The following MTMR7 variants were observed in gnomAD, a reference collection of about 807,000 sequenced individuals.
The protein encoded by MTMR7 is phosphatidylinositol-3-phosphate phosphatase MTMR7.
MTMR7 carries 76 observed loss-of-function variants against 81.2 expected under a neutral mutation model. The observed-to-expected ratio is 0.94, with a 90% CI of 0.78 to 1.13. MTMR7 has a LOEUF of 1.13. Ranked by LOEUF, MTMR7 falls within the 50% of genes most tolerant of loss-of-function variation. The probability of loss-of-function intolerance (pLI) is 0.00; values close to 1 mark genes in which losing one functional copy is unlikely to be tolerated. For missense variants in MTMR7, 1,044 were observed against 820.0 expected (o/e 1.27, Z -3.34); for synonymous variants, 372 against 289.8 (o/e 1.28, Z -2.88).
chr8:17,300,257 T>C (rs749102198), intron 13 of MTMR7, 33 bp from the exon 14 acceptor site: 12 of 1,574,166 alleles, frequency 7.6e-6, no homozygotes, highest in Admixed American at 1.9e-5. Flanking sequence ...AGGGGAAAAA[T>C]CATAAATAAC....
chr8:17,365,827 A>G (rs1422375909), intron 3 of MTMR7, among the ~76,000 whole-genome samples: 4 of 152,224 alleles, frequency 2.6e-5, no homozygotes, highest in African/African-American at 9.7e-5. Context: ...TCTACCCAGA[A>G]AGCAAAATGA....
chr8:17,331,002 T>C, intron 7 of MTMR7, 148 bp downstream of exon 7: 1 of 920,308 alleles, frequency 1.1e-6, no homozygotes, highest in African/African-American at 1.7e-5. Flanking sequence ...GAAACGTTCT[T>C]AAGTGTTTAA....
intron 1 of MTMR7, among the ~76,000 whole-genome samples, chr8:17,377,018 G>A (rs182962046): frequency 6.7e-6 from 1 of 149,114 alleles, no homozygotes; most frequent in Admixed American, 6.6e-5. Context: ...TTAATTCCTT[G>A]TATTTTTCCC....
intron 7 of MTMR7, among the ~76,000 whole-genome samples, chr8:17,323,753 C>A (rs1355712970): frequency 6.6e-6 from 1 of 152,180 alleles, no homozygotes; most frequent in Non-Finnish European, 1.5e-5. Flanking sequence ...AAATATCGAA[C>A]TGCCAAACCC....
In MTMR7 at chr8:17,300,204, C is replaced by T. The variant is rs778066206; in HGVS notation, c.1641G>A (p.Lys547=). 1 of 1,603,602 alleles carries T rather than the reference C, an allele frequency of 6.2e-7. No individual in the cohort carries two copies. The highest frequency in any genetic ancestry group is 8.5e-7 in the Non-Finnish European group (1 of 1,174,564). ...TCACCTTAGTGCAATTTAACTGGAC[C>T]TTTTGAATTTTTTCCAGCCTCTAAG... ...ALEERLEKIQ[K]VQLNCTKVKS... is the part of the protein sequence containing the mutation. Residue 547 remains lysine (K), a synonymous_variant, in exon 14 of 14, where the codon AAG becomes AAA. Transcript: ENST00000180173.
At position 17,413,331 on chromosome 8, in the gene MTMR7, C is replaced by T. The variant is rs1394818936; in HGVS notation, c.-39G>A. On this transcript the variant is annotated 5_prime_UTR_variant, in exon 1 of 14. Coordinates refer to ENST00000180173, the MANE Select transcript of MTMR7 (RefSeq NM_004686.5). ...CTGCAGGGTCCCGGGCGGGCGCGGC[C>T]TCACGCACCTGCGCGCCTCTGCGGC... is the stretch of plus-strand genomic sequence containing the variant. The T allele has an allele frequency of 6.6e-7, 1 of 1,516,500 alleles. No individual in the cohort carries two copies. Among genetic ancestry groups the T allele is most frequent in the Non-Finnish European group, 8.8e-7 (1 of 1,131,670 alleles). The allele number at this position is 1,516,500 out of a possible 1,614,324, so 93.9% of individuals were successfully genotyped here. A position where few individuals can be genotyped will look rare whatever the true frequency, so the allele number is the denominator to read the frequency against.
At chr8:17,309,463 C>T in intron 9 of MTMR7, 137 bp from the exon 10 acceptor site, 1 of 677,380 alleles carries the variant, frequency 1.5e-6, no homozygotes, top group Non-Finnish European at 2.7e-6. Flanking sequence ...CATGAACAGG[C>T]ATTATCCACC....
rs763801295 is a variant in MTMR7, at chr8:17,349,003, G to A, written c.547C>T (p.Arg183Trp). The A allele has an allele frequency of 5.6e-6, 9 of 1,613,172 alleles. No individual in the cohort carries two copies. The highest frequency in any genetic ancestry group is 4.5e-5 in the East Asian group (2 of 44,872). The change falls in exon 5 of 14, where the codon CGG (arginine) becomes TGG (tryptophan). Residue 183 changes from arginine to tryptophan, a missense_variant. By Grantham distance (101) the Arg-to-Trp change is moderately radical. Transcript: ENST00000180173. ...AGGACAGGAAATCGCCGTCTACTCC[G>A]GAATTTGGAACTCCCCACTATGATG... ...AHIIVGSSKF[R>W]SRRRFPVLSY...
chr8:17,368,421 CGA>C (rs989679169), intron 3 of MTMR7, among the ~76,000 whole-genome samples: 19 of 152,254 alleles, frequency 1.2e-4, no homozygotes, highest in African/African-American at 4.6e-4. Context: ...ACCAGAATAT[CGA>C]GAGAGCTACA....
chr8:17,370,553 CAAAAAAAAAAA>C (rs5889712), intron 3 of MTMR7, among the ~76,000 whole-genome samples: 1 of 30,856 alleles, frequency 3.2e-5, no homozygotes, highest in Non-Finnish European at 5.8e-5. Flanking sequence ...AAAAGTGCCT[CAAAAAAAAAAA>C]AAAAAAAAAA....
At chr8:17,410,331 C>A (rs1206602858) in intron 1 of MTMR7, among the ~76,000 whole-genome samples, 1 of 152,178 alleles carries the variant, frequency 6.6e-6, no homozygotes, top group Non-Finnish European at 1.5e-5. Flanking sequence ...TTACCAGGAT[C>A]CTGGACACAT....
At chr8:17,366,056 C>A (rs1279100272) in intron 3 of MTMR7, among the ~76,000 whole-genome samples, 1 of 152,174 alleles carries the variant, frequency 6.6e-6, no homozygotes, top group Non-Finnish European at 1.5e-5. Flanking sequence ...CTCTCCTCGG[C>A]TCCTTCACTC....
chr8:17,300,035 T>G lies in MTMR7; in HGVS notation c.1810A>C (p.Ile604Leu), dbSNP rs763910414. ...PSQGDEDSAL[I>L]LTQDNLKSSD... The stretch of plus-strand genomic sequence containing the variant: ...CTTTTCAGATTGTCTTGGGTTAGAA[T>G]CAGAGCAGAATCTTCATCGCCTTGT... The change falls in exon 14 of 14, where the codon ATT (isoleucine) becomes CTT (leucine). Residue 604 changes from isoleucine (I) to leucine (L), a missense_variant. Physicochemically the swap from Ile to Leu is conservative, Grantham distance 5. Coordinates refer to ENST00000180173, the MANE Select transcript of MTMR7 (RefSeq NM_004686.5). 13 of 1,614,132 alleles carry G rather than the reference T, an allele frequency of 8.1e-6. 1 individual carries two copies. The South Asian group carries it at 1.4e-4, about 18-fold the overall frequency.
rs115183602 is a variant in MTMR7 at position 17,301,305 on chromosome 8, G to A, written c.1620+849C>T. On this transcript the variant is annotated intron_variant, in intron 13 of 13. Transcript: ENST00000180173. ...GAAGAGGGATGAAGTGGTAAGGTTAGAAGGAAAAGAACAGAGTAAGTTTCA... is the reference window on the plus strand; with the variant it reads ...GAAGAGGGATGAAGTGGTAAGGTTAAAAGGAAAAGAACAGAGTAAGTTTCA... 3.9e-3 allele frequency among the ~76,000 whole-genome samples: 596 copies of A among 152,296 alleles called. 5 individuals are homozygous for A. Among genetic ancestry groups the A allele is most frequent in the African/African-American group, 0.013 (534 of 41,566 alleles).
At chr8:17,325,270 C>T (rs1211778044) in intron 7 of MTMR7, among the ~76,000 whole-genome samples, 1 of 152,158 alleles carries the variant, frequency 6.6e-6, no homozygotes, top group East Asian at 1.9e-4. Flanking sequence ...ATGTGACCGT[C>T]ATACCCACCA....
chr8:17,412,129 C>T (rs1052082877), intron 1 of MTMR7, among the ~76,000 whole-genome samples: 2 of 152,212 alleles, frequency 1.3e-5, no homozygotes, highest in Non-Finnish European at 2.9e-5. Context: ...AATTTACTGT[C>T]GGAACTGACA....
chr8:17,311,673 T>C (rs1436081317), intron 8 of MTMR7, 37 bp from the exon 9 acceptor site: 2 of 1,613,232 alleles, frequency 1.2e-6, no homozygotes, highest in East Asian at 2.2e-5. Context: ...TCACAAAGAA[T>C]GGCTGTAAAA....
chr8:17,403,278 T>G (rs1821480353), intron 1 of MTMR7, among the ~76,000 whole-genome samples: 1 of 152,156 alleles, frequency 6.6e-6, no homozygotes, highest in African/African-American at 2.4e-5. Context: ...TGGGTCTAGT[T>G]TCATTCTTCT....
chr8:17,317,357 G>A (rs772833438), intron 7 of MTMR7, among the ~76,000 whole-genome samples: 8 of 152,158 alleles, frequency 5.3e-5, no homozygotes, highest in Non-Finnish European at 1.0e-4. Flanking sequence ...TGTAGGCCCC[G>A]GCATGGAATC....
Sources: gnomAD v4.1 joint callset for allele counts (sites outside exome capture counted in the v4.1 genomes callset) on GRCh38, gnomAD v4.1.1 for gene constraint, MANE v1.5 for transcripts, NCBI Gene and HGNC (gene_info 2026-07-23, HGNC 2026-07-21) for gene names.